Variants in C8orf34 observed in about 807,000 individuals in gnomAD.
C8orf34 encodes uncharacterized protein C8orf34.
C8orf34 carries 65 observed loss-of-function variants against 68.3 expected under a neutral mutation model. That is an observed-to-expected ratio of 0.95 (90% CI 0.78 to 1.17). The LOEUF is 1.17. Among genes scored for constraint, C8orf34 ranks in the 50% most tolerant of loss-of-function variants. C8orf34 has a pLI of 0.00. For synonymous variants in C8orf34, 244 were observed against 241.2 expected, an observed-to-expected ratio of 1.01 and a Z score of -0.11; for missense variants, 664 against 655.4, an observed-to-expected ratio of 1.01 and a Z score of -0.14.
intron 5 of C8orf34, among the ~76,000 whole-genome samples, chr8:68,505,491 G>A (rs1192835441): frequency 5.3e-5 from 5 of 94,890 alleles, no homozygotes; most frequent in African/African-American, 9.7e-5. Context: ...CAGCACTTTG[G>A]GAGGCCGAGG....
intron 7 of C8orf34, among the ~76,000 whole-genome samples, chr8:68,614,388 G>A (rs1818127254): frequency 6.6e-6 from 1 of 152,160 alleles, no homozygotes; most frequent in African/African-American, 2.4e-5. Flanking sequence ...GAATGGTAAT[G>A]CCTAGGTTTT....
intron 10 of C8orf34, among the ~76,000 whole-genome samples, chr8:68,775,654 TTTTA>T: frequency 6.6e-6 from 1 of 152,208 alleles, no homozygotes; most frequent in Non-Finnish European, 1.5e-5. Context: ...TAAGTCCATG[TTTTA>T]GATCGTCACA....
chr8:68,404,586 TGCATATGA>T (rs1438228258), intron 1 of C8orf34, among the ~76,000 whole-genome samples: 3 of 152,360 alleles, frequency 2.0e-5, no homozygotes, highest in African/African-American at 7.2e-5. Context: ...TTCAGTTTTC[TGCATATGA>T]CTAGCCAGTT....
intron 3 of C8orf34, among the ~76,000 whole-genome samples, chr8:68,451,214 G>T (rs117989686): frequency 4.6e-5 from 7 of 152,068 alleles, no homozygotes; most frequent in African/African-American, 1.7e-4. Context: ...CTTTGGATTA[G>T]ACCTTGGCTT....
At chr8:68,393,732 G>A (rs948387761) in intron 1 of C8orf34, among the ~76,000 whole-genome samples, 2 of 152,146 alleles carry the variant, frequency 1.3e-5, no homozygotes, top group South Asian at 2.1e-4. Context: ...ATCTTTAGGA[G>A]TTTGGACTTG....
At chr8:68,543,662 A>T (rs1266566842) in intron 7 of C8orf34, among the ~76,000 whole-genome samples, 1 of 152,210 alleles carries the variant, frequency 6.6e-6, no homozygotes, top group African/African-American at 2.4e-5. Context: ...ACCTGCAATT[A>T]AACACTAACT....
At chr8:68,615,614 C>G (rs1167843478) in intron 7 of C8orf34, among the ~76,000 whole-genome samples, 1 of 152,186 alleles carries the variant, frequency 6.6e-6, no homozygotes, top group Non-Finnish European at 1.5e-5. Context: ...GTATATTGAA[C>G]CAGTCTTGCA....
At chr8:68,733,432 A>G (rs1309229019) in intron 10 of C8orf34, among the ~76,000 whole-genome samples, 1 of 152,188 alleles carries the variant, frequency 6.6e-6, no homozygotes, top group African/African-American at 2.4e-5. Context: ...CCATTAACAT[A>G]TGTTATTTCT....
chr8:68,523,510 A>C (rs1396496169), intron 6 of C8orf34, among the ~76,000 whole-genome samples: 1 of 152,052 alleles, frequency 6.6e-6, no homozygotes, highest in Non-Finnish European at 1.5e-5. Flanking sequence ...AATTTTTTTC[A>C]GCTTTATTTT....
chr8:68,748,090 C>G (rs888279686), intron 10 of C8orf34, among the ~76,000 whole-genome samples: 2 of 145,056 alleles, frequency 1.4e-5, no homozygotes, highest in Admixed American at 1.4e-4. Flanking sequence ...CGCATATCTA[C>G]AACTATCTGA....
At chr8:68,758,758 TA>T (rs1322146751) in intron 10 of C8orf34, among the ~76,000 whole-genome samples, 23 of 152,024 alleles carry the variant, frequency 1.5e-4, no homozygotes, top group African/African-American at 3.9e-4. Flanking sequence ...ACTTTGTTTT[TA>T]TTTTTTTATG....
chr8:68,597,586 G>C (rs77309381), intron 7 of C8orf34, among the ~76,000 whole-genome samples: 87,041 of 151,012 alleles, frequency 0.58, 25,159 homozygotes, highest in African/African-American at 0.6. Context: ...GTGTGTGTGT[G>C]TGTGTGTGTG....
chr8:68,746,304 C>A, intron 10 of C8orf34, among the ~76,000 whole-genome samples: 1 of 95,936 alleles, frequency 1.0e-5, no homozygotes, highest in African/African-American at 4.2e-5. Flanking sequence ...AAATTGACAC[C>A]CTAACATCAC....
At chr8:68,763,297 T>C (rs1462677250) in intron 10 of C8orf34, among the ~76,000 whole-genome samples, 1 of 152,218 alleles carries the variant, frequency 6.6e-6, no homozygotes, top group East Asian at 1.9e-4. Context: ...CTTTGTTTCC[T>C]TTCTAAGTTT....
chr8:68,330,492 G>A (rs557337355), upstream of C8orf34, among the ~76,000 whole-genome samples: 19 of 152,038 alleles, frequency 1.2e-4, no homozygotes, highest in South Asian at 2.1e-4. Context: ...TTAAACCCAC[G>A]CACCTTCTCA....
chr8:68,398,173 A>G lies in C8orf34; in HGVS notation c.328-41326A>G, dbSNP rs114563909. On this transcript the variant is annotated intron_variant, in intron 1 of 13. Transcript: ENST00000518698. Reference sequence around the variant, plus strand: ...AAATATACATAACACAAGTAAAGCAATGTAACAACCTGAGGCATAGATTAT... The same window carrying G: ...AAATATACATAACACAAGTAAAGCAGTGTAACAACCTGAGGCATAGATTAT... 8.9e-3 allele frequency among the ~76,000 whole-genome samples: 1,357 copies of G among 152,306 alleles called. 26 individuals carry two copies. Among genetic ancestry groups the G allele is most frequent in the African/African-American group, 0.03 (1,267 of 41,564 alleles).
chr8:68,683,149 C>A (rs1046174639), intron 8 of C8orf34, among the ~76,000 whole-genome samples: 1 of 151,904 alleles, frequency 6.6e-6, no homozygotes, highest in Non-Finnish European at 1.5e-5. Context: ...CTGGACCCCC[C>A]AGACTCCTGT....
intron 11 of C8orf34, among the ~76,000 whole-genome samples, chr8:68,778,027 A>G (rs1251407479): frequency 6.6e-6 from 1 of 152,158 alleles, no homozygotes; most frequent in Non-Finnish European, 1.5e-5. Flanking sequence ...CCAACAGATG[A>G]CCATTCTTTA....
chr8:68,464,672 C>T (rs1241203423), intron 3 of C8orf34, among the ~76,000 whole-genome samples: 1 of 151,826 alleles, frequency 6.6e-6, no homozygotes, highest in Non-Finnish European at 1.5e-5. Context: ...TGATCTTTGA[C>T]AAACCTGAGA....
Sources: gnomAD v4.1 joint callset for allele counts (sites outside exome capture counted in the v4.1 genomes callset) on GRCh38, gnomAD v4.1.1 for gene constraint, MANE v1.5 for transcripts, NCBI Gene and HGNC (gene_info 2026-07-23, HGNC 2026-07-21) for gene names.